Variants in NLRP1 observed in about 807,000 individuals in gnomAD.
NLRP1 encodes the protein NLR family pyrin domain containing 1.
In NLRP1, 94 loss-of-function variants were observed where a neutral mutation model predicts 136.7. The observed-to-expected ratio is 0.69, with a 90% CI of 0.58 to 0.82. NLRP1 has a LOEUF of 0.82. Among genes scored for constraint, NLRP1 ranks in the 40% least tolerant of loss-of-function variants. NLRP1 has a pLI of 0.00. For synonymous variants in NLRP1, 690 were observed against 725.1 expected, an observed-to-expected ratio of 0.95 and a Z score of 0.78; for missense variants, 1,575 against 1,802.7, an observed-to-expected ratio of 0.87 and a Z score of 2.29.
chr17:5,512,401 A>G, downstream of NLRP1: 1 of 1,019,894 alleles, frequency 9.8e-7, no homozygotes, highest in South Asian at 1.3e-5. Context: ...TCTAGTGCCC[A>G]TATCTTGATT....
rs200978321 is a variant in NLRP1 at position 5,582,746 on chromosome 17, C to A, written c.372G>T (p.Leu124Phe). The change falls in exon 2 of 17, where the codon TTG becomes TTT. Residue 124 changes from leucine (L) to phenylalanine (F), a missense_variant. Transcript: ENST00000572272. ...CTGAGCCCTGGGTGCACCCCGCCGGCAATTCATGGATCCAGGGCATTAGCA... is the reference window on the plus strand; with the variant it reads ...CTGAGCCCTGGGTGCACCCCGCCGGAAATTCATGGATCCAGGGCATTAGCA... ...TAVLMPWIHE[L>F]PAGCTQGSER... 1 of 1,614,140 alleles carries A rather than the reference C, an allele frequency of 6.2e-7. No homozygotes were observed. The highest frequency in any genetic ancestry group is 1.7e-4 in the Middle Eastern group (1 of 6,060).
chr17:5,561,688 C>T lies in NLRP1; in HGVS notation c.653-1645G>A, dbSNP rs558266849. 2.8e-3 allele frequency among the ~76,000 whole-genome samples: 122 copies of T among 43,316 alleles called. 30 individuals carry two copies. Among genetic ancestry groups the T allele is most frequent in the Non-Finnish European group, 5.7e-3 (104 of 18,146 alleles). 28.4% of individuals were successfully genotyped at this position (43,316 alleles called of 152,430 possible). ...TCGATCTCCTGACCTCATGATCCAC[C>T]CGCCTCGGCCTCCCAAAGTGCTGGG... On this transcript the variant is annotated intron_variant, in intron 3 of 16. Coordinates refer to ENST00000572272, the MANE Select transcript of NLRP1 (RefSeq NM_033004.4).
intron 5 of NLRP1, among the ~76,000 whole-genome samples, chr17:5,545,350 ACACACACAGACACC>A (rs1239024609): frequency 1.4e-5 from 2 of 144,136 alleles, no homozygotes; most frequent in Admixed American, 6.9e-5. Context: ...ACACACACAC[ACACACACAGACACC>A]CACACAGACA....
At position 5,524,080 on chromosome 17, in the gene NLRP1, C is replaced by T. The variant is rs536800911; in HGVS notation, c.3521-2294G>A. 5.3e-5 allele frequency among the ~76,000 whole-genome samples: 8 copies of T among 152,196 alleles called. No homozygotes were observed. The South Asian group carries it at 6.2e-4, about 12-fold the overall frequency. ...CTGGGACTACAGGCATGCACCACTGCGCCTGGCTTTTTAGTAGAGATGGGG... is the reference window on the plus strand; with the variant it reads ...CTGGGACTACAGGCATGCACCACTGTGCCTGGCTTTTTAGTAGAGATGGGG... On this transcript the variant is annotated intron_variant, in intron 12 of 16. Coordinates refer to ENST00000572272, the MANE Select transcript of NLRP1 (RefSeq NM_033004.4).
Position 5,514,773 on chromosome 17 carries a change from A to T in NLRP1, c.4403T>A (p.Leu1468His), listed in dbSNP as rs201882873. The T allele has an allele frequency of 9.9e-6, 16 of 1,612,596 alleles. No individual in the cohort carries two copies. Among genetic ancestry groups the T allele is most frequent in the Non-Finnish European group, 1.4e-5 (16 of 1,179,712 alleles). The part of the protein sequence containing the change: ...ELWEKGSKKG[L>H]LPLSS ...GATACTTCAGCTGCTGAGTGGCAGG[A>T]GTCCCTTTTTGCTGCCCTTCTCCCA... is the stretch of plus-strand genomic sequence containing the variant. The change falls in exon 17 of 17, where the codon CTC becomes CAC. Residue 1468 changes from leucine (L) to histidine (H), a missense_variant. Transcript: ENST00000572272.
chr17:5,558,575 C>A lies in NLRP1; in HGVS notation c.2121G>T (p.Leu707=), dbSNP rs61753137. 0.05 allele frequency: 80,277 copies of A among 1,613,916 alleles called. 2,377 individuals are homozygous for A. The highest frequency in any genetic ancestry group is 0.12 in the African/African-American group (8,631 of 74,922). ...GRNLMQWVPS[L]QLLLQPHSLE... The stretch of plus-strand genomic sequence containing the variant: ...GAGAGTGTGGCTGCAGCAGCAGCTG[C>A]AGGGACGGGACCCACTGCATCAGGT... Residue 707 remains leucine, a synonymous_variant, in exon 4 of 17, where the codon CTG becomes CTT. Coordinates refer to ENST00000572272, the MANE Select transcript of NLRP1 (RefSeq NM_033004.4).
chr17:5,555,534 G>C (rs982094509), intron 4 of NLRP1, among the ~76,000 whole-genome samples: 2 of 151,894 alleles, frequency 1.3e-5, no homozygotes, highest in Non-Finnish European at 2.9e-5. Flanking sequence ...GGTTCCCTTT[G>C]CCTATCCCAG....
chr17:5,509,697 G>A (rs1209065080), downstream of NLRP1, among the ~76,000 whole-genome samples: 6 of 152,148 alleles, frequency 3.9e-5, no homozygotes, highest in Admixed American at 2.0e-4. Context: ...TAGAGATGGG[G>A]TTTTGCTATG....
Position 5,583,830 on chromosome 17 carries a change from G to C in NLRP1, c.128C>G (p.Ala43Gly). 1 of 1,565,930 alleles carries C rather than the reference G, an allele frequency of 6.4e-7. No individual in the cohort carries two copies. The highest frequency in any genetic ancestry group is 1.2e-5 in the South Asian group (1 of 85,552). The change falls in exon 1 of 17, where the codon GCT becomes GGT. Residue 43 changes from alanine to glycine, a missense_variant. Transcript: ENST00000572272. The surrounding 1 kb of genome is among the most constrained non-coding windows in gnomAD (Gnocchi z 4.5). ...CATGCCACTCGTCTTCTCTGGCTGA[G>C]CGGGTGTCTCACCCGAAGAGCTCCT... ...HSRSSSGETP[A>G]QPEKTSGMEV...
chr17:5,553,425 T>C lies in NLRP1; in HGVS notation c.2489A>G (p.Lys830Arg). 1.2e-6 allele frequency: 2 copies of C among 1,613,986 alleles called. No individual in the cohort carries two copies. The highest frequency in any genetic ancestry group is 1.7e-6 in the Non-Finnish European group (2 of 1,179,902). The change falls in exon 5 of 17, where the codon AAG (lysine) becomes AGG (arginine). Residue 830 changes from lysine to arginine, a missense_variant. Lys to Arg is a conservative substitution (Grantham distance 26, BLOSUM62 2). Transcript: ENST00000572272. ...GAGGCAGCGAGGGCGTCTCAGGGTC[T>C]TACAAAGACTCTTCACTGCAGAGTG... is the stretch of plus-strand genomic sequence containing the variant. The part of the protein sequence containing the change: ...LSHSAVKSLC[K>R]TLRRPRCLLE...
At position 5,535,239 on chromosome 17, in the gene NLRP1, A is replaced by G. The variant is rs184028795; in HGVS notation, c.2961-1251T>C. ...TGTCTCAAAAAAAAAAAAGACACAG[A>G]TTCCTGGGCCCCACCCCAGAGATTC... is the stretch of plus-strand genomic sequence containing the variant. On this transcript the variant is annotated intron_variant, in intron 8 of 16. Transcript: ENST00000572272. Among the ~76,000 whole-genome samples the G allele has an allele frequency of 5.3e-5, 8 of 151,568 alleles. No individual in the cohort carries two copies. The East Asian group carries it at 1.6e-3, about 29-fold the overall frequency.
In NLRP1 at chr17:5,578,983, C is replaced by T. The variant is rs138219711; in HGVS notation, c.652+2876G>A. Among the ~76,000 whole-genome samples the T allele has an allele frequency of 6.2e-3, 939 of 152,158 alleles. 5 individuals are homozygous for T. The highest frequency in any genetic ancestry group is 0.022 in the African/African-American group (907 of 41,472). On this transcript the variant is annotated intron_variant, in intron 3 of 16. Coordinates refer to ENST00000572272, the MANE Select transcript of NLRP1 (RefSeq NM_033004.4). Reference sequence around the variant, plus strand: ...GTAGGGAAATGGATGAAGCTGGAAACCATCATTCTCAGCAAACTATCGCAG... The same window carrying T: ...GTAGGGAAATGGATGAAGCTGGAAATCATCATTCTCAGCAAACTATCGCAG...
At chr17:5,555,618 G>A (rs372228797) in intron 4 of NLRP1, among the ~76,000 whole-genome samples, 3 of 152,002 alleles carry the variant, frequency 2.0e-5, no homozygotes, top group Admixed American at 6.6e-5. Flanking sequence ...TTTCCCACCT[G>A]TCCACTGCTA....
At position 5,584,059 on chromosome 17, in the gene NLRP1, C is replaced by T; in HGVS notation, c.-102G>A. ...TGTCCTTTGCCTTGGCTCTTACCGTCTCTTATTCAGCATTCGGAACCCAGT... is the reference window on the plus strand; with the variant it reads ...TGTCCTTTGCCTTGGCTCTTACCGTTTCTTATTCAGCATTCGGAACCCAGT... On this transcript the variant is annotated 5_prime_UTR_variant, in exon 1 of 17. Coordinates refer to ENST00000572272, the MANE Select transcript of NLRP1 (RefSeq NM_033004.4). 1 of 1,169,676 alleles carries T rather than the reference C, an allele frequency of 8.5e-7. No individual in the cohort carries two copies. The highest frequency in any genetic ancestry group is 1.2e-6 in the Non-Finnish European group (1 of 844,338). 72.5% of individuals were successfully genotyped at this position (1,169,676 alleles called of 1,614,324 possible).
intron 12 of NLRP1, among the ~76,000 whole-genome samples, chr17:5,526,216 C>A (rs1390876376): frequency 2.6e-5 from 4 of 152,144 alleles, no homozygotes; most frequent in Non-Finnish European, 5.9e-5. Flanking sequence ...GGGCTCAAGT[C>A]ATCCTCCCGT....
chr17:5,522,230 C>T (rs1909000425), intron 12 of NLRP1, among the ~76,000 whole-genome samples: 1 of 152,250 alleles, frequency 6.6e-6, no homozygotes, highest in South Asian at 2.1e-4. Flanking sequence ...GTGCTATGGT[C>T]TTGAATGTCT....
Position 5,584,267 on chromosome 17 carries a change from G to A in NLRP1, c.-310C>T. ...GAGGGTGAGGGGAGATGTGGTGACGGGAGATGGGGTGTGGGCAACGCTCAC... is the reference window on the plus strand; with the variant it reads ...GAGGGTGAGGGGAGATGTGGTGACGAGAGATGGGGTGTGGGCAACGCTCAC... On this transcript the variant is annotated 5_prime_UTR_variant, in exon 1 of 17. Coordinates refer to ENST00000572272, the MANE Select transcript of NLRP1 (RefSeq NM_033004.4). 2.2e-6 allele frequency: 1 copy of A among 458,868 alleles called. No homozygotes were observed. Among genetic ancestry groups the A allele is most frequent in the East Asian group, 4.2e-5 (1 of 23,834 alleles). 28.4% of individuals were successfully genotyped at this position (458,868 alleles called of 1,614,324 possible). A position where few individuals can be genotyped will look rare whatever the true frequency, so the allele number is the denominator to read the frequency against.
At chr17:5,566,855 C>CAT (rs1915392485) in intron 3 of NLRP1, among the ~76,000 whole-genome samples, 1 of 152,004 alleles carries the variant, frequency 6.6e-6, no homozygotes, top group Admixed American at 6.6e-5. Flanking sequence ...GTGTTGGGTG[C>CAT]ATATATATTT....
At chr17:5,555,338 C>T (rs1042758688) in intron 4 of NLRP1, among the ~76,000 whole-genome samples, 30 of 152,146 alleles carry the variant, frequency 2.0e-4, no homozygotes, top group African/African-American at 7.2e-4. Flanking sequence ...ACCCTTTCTT[C>T]CTGAACTTTC....
Sources: allele counts gnomAD v4.1 joint callset (sites outside exome capture counted in the v4.1 genomes callset), GRCh38; gene constraint gnomAD v4.1.1; non-coding constraint Gnocchi (gnomAD v3.1); transcripts MANE v1.5; gene names NCBI Gene and HGNC (gene_info 2026-07-23, HGNC 2026-07-21).